Variants in FCHSD2 observed in about 807,000 individuals in gnomAD.
FCHSD2 encodes the protein FCH and double SH3 domains 2.
Under a neutral mutation model 108.1 loss-of-function variants are expected in FCHSD2, and 38 were observed. That is an observed-to-expected ratio of 0.35 (90% CI 0.27 to 0.46). The LOEUF (loss-of-function observed/expected upper bound fraction) is 0.46. Ranked by LOEUF, FCHSD2 falls within the 20% of genes least tolerant of loss-of-function variation. The pLI, the probability that FCHSD2 is intolerant of heterozygous loss-of-function variation, is 1.00. For synonymous variants in FCHSD2, 279 were observed against 314.7 expected (o/e 0.89, Z 1.20); for missense variants, 751 against 897.8 (o/e 0.84, Z 2.09).
At chr11:72,928,108 C>A (rs1193486465) in intron 8 of FCHSD2, among the ~76,000 whole-genome samples, 1 of 151,748 alleles carries the variant, frequency 6.6e-6, no homozygotes, top group East Asian at 1.9e-4. Flanking sequence ...AATGCATTGG[C>A]CACATATTGA....
At chr11:73,002,073 CT>C (rs1857636318) in intron 4 of FCHSD2, among the ~76,000 whole-genome samples, 1 of 152,060 alleles carries the variant, frequency 6.6e-6, no homozygotes, top group African/African-American at 2.4e-5. Flanking sequence ...TGAGATTTCC[CT>C]TTTGTGGGAA....
chr11:73,024,195 G>A (rs1047285735), intron 3 of FCHSD2, among the ~76,000 whole-genome samples: 34 of 152,192 alleles, frequency 2.2e-4, no homozygotes, highest in African/African-American at 7.7e-4. Flanking sequence ...TGGGGGAACC[G>A]AAGATAGAAT....
rs538721895 is a variant in FCHSD2, at chr11:73,091,119, T to C, written c.120-7379A>G. 2.0e-5 allele frequency among the ~76,000 whole-genome samples: 3 copies of C among 152,384 alleles called. No homozygotes were observed. In the East Asian group the frequency reaches 5.8e-4, roughly 29 times the overall value. ...TTCATTTGTTTTTATGGCTGAATAA[T>C]GTTCCATTCTATGAGTATACCACAA... On this transcript the variant is annotated intron_variant, in intron 2 of 19. Coordinates refer to ENST00000409418, the MANE Select transcript of FCHSD2 (RefSeq NM_014824.3).
At chr11:73,026,655 A>G (rs1245353145) in intron 3 of FCHSD2, among the ~76,000 whole-genome samples, 1 of 152,176 alleles carries the variant, frequency 6.6e-6, no homozygotes, top group East Asian at 1.9e-4. Context: ...ATGAGAGTTA[A>G]CTGTCTAAGG....
chr11:72,872,488 T>C (rs1270776982), intron 12 of FCHSD2, among the ~76,000 whole-genome samples: 1 of 152,170 alleles, frequency 6.6e-6, no homozygotes, highest in Non-Finnish European at 1.5e-5. Flanking sequence ...ACTATTCTAC[T>C]TTCTGTCTAT....
intron 10 of FCHSD2, chr11:72,900,172 T>G: frequency 1.1e-6 from 1 of 928,340 alleles, no homozygotes; most frequent in Non-Finnish European, 1.7e-6. Flanking sequence ...TACATAACTT[T>G]CATCCCAACA....
At chr11:73,035,017 A>T (rs967573249) in intron 3 of FCHSD2, among the ~76,000 whole-genome samples, 1 of 152,216 alleles carries the variant, frequency 6.6e-6, no homozygotes, top group African/African-American at 2.4e-5. Flanking sequence ...TAGTTTAACA[A>T]ACTTCACAGG....
intron 9 of FCHSD2, among the ~76,000 whole-genome samples, chr11:72,919,998 G>C (rs556809238): frequency 6.6e-6 from 1 of 151,982 alleles, no homozygotes; most frequent in South Asian, 2.1e-4. Flanking sequence ...CAAGCAGAAA[G>C]ACACTTTTTT....
At chr11:73,043,879 G>T (rs986396780) in intron 3 of FCHSD2, among the ~76,000 whole-genome samples, 2 of 152,142 alleles carry the variant, frequency 1.3e-5, no homozygotes, top group African/African-American at 4.8e-5. Context: ...GATCAAAGGA[G>T]CCTGGACTAA....
chr11:73,045,062 T>C (rs1591509409), intron 3 of FCHSD2, among the ~76,000 whole-genome samples: 1 of 139,804 alleles, frequency 7.2e-6, no homozygotes, highest in Non-Finnish European at 1.5e-5. Flanking sequence ...AGAGCAAGAC[T>C]CCATCTCAAA....
intron 4 of FCHSD2, among the ~76,000 whole-genome samples, chr11:73,001,429 C>T (rs1857623223): frequency 6.6e-6 from 1 of 152,110 alleles, no homozygotes; most frequent in South Asian, 2.1e-4. Flanking sequence ...TTCAGACTCT[C>T]CAAGTCTTTT....
At chr11:73,006,695 C>T (rs1205314868) in intron 4 of FCHSD2, among the ~76,000 whole-genome samples, 1 of 152,242 alleles carries the variant, frequency 6.6e-6, no homozygotes, top group East Asian at 1.9e-4. Flanking sequence ...CCCTACTATG[C>T]TTACTGCTCT....
intron 4 of FCHSD2, among the ~76,000 whole-genome samples, chr11:73,006,498 C>T (rs1857743973): frequency 1.3e-5 from 2 of 152,122 alleles, no homozygotes; most frequent in South Asian, 4.1e-4. Context: ...TTAAAAAATA[C>T]CATGGAATTT....
At chr11:73,061,028 C>T (rs1376418167) in intron 3 of FCHSD2, among the ~76,000 whole-genome samples, 1 of 152,196 alleles carries the variant, frequency 6.6e-6, no homozygotes, top group Non-Finnish European at 1.5e-5. Context: ...GGCAAGATGG[C>T]CAAATAGGAA....
intron 2 of FCHSD2, among the ~76,000 whole-genome samples, chr11:73,089,689 C>T (rs890169297): frequency 2.6e-5 from 4 of 152,018 alleles, no homozygotes; most frequent in African/African-American, 9.7e-5. Context: ...ATGCAAAAGG[C>T]CATATATTTT....
chr11:72,946,018 C>T (rs1052158463), intron 8 of FCHSD2, among the ~76,000 whole-genome samples: 3 of 152,114 alleles, frequency 2.0e-5, no homozygotes, highest in Admixed American at 6.5e-5. Context: ...ACTAGAAATA[C>T]CATTTGACCC....
At chr11:73,086,259 A>G (rs1859813952) in intron 2 of FCHSD2, among the ~76,000 whole-genome samples, 1 of 152,160 alleles carries the variant, frequency 6.6e-6, no homozygotes. Context: ...AAATACAAAA[A>G]TTAGCTGGGC....
At position 73,031,059 on chromosome 11, in the gene FCHSD2, C is replaced by T. The variant is rs146214858; in HGVS notation, c.166-15174G>A. Reference sequence around the variant, plus strand: ...AAAAGGGAGATCCTGCTATTTGTCACAACATGTATGAATCTGGATGGGTTC... The same window carrying T: ...AAAAGGGAGATCCTGCTATTTGTCATAACATGTATGAATCTGGATGGGTTC... On this transcript the variant is annotated intron_variant, in intron 3 of 19. Coordinates refer to ENST00000409418, the MANE Select transcript of FCHSD2 (RefSeq NM_014824.3). 3.6e-3 allele frequency among the ~76,000 whole-genome samples: 551 copies of T among 152,062 alleles called. 1 individual carries two copies. Among genetic ancestry groups the T allele is most frequent in the African/African-American group, 0.013 (524 of 41,454 alleles).
intron 12 of FCHSD2, among the ~76,000 whole-genome samples, chr11:72,875,734 C>T (rs1319780759): frequency 1.3e-5 from 2 of 152,188 alleles, no homozygotes; most frequent in East Asian, 3.8e-4. Flanking sequence ...ATCATGCTTC[C>T]TGGTATCCAT....
Sources: gnomAD v4.1 joint callset for allele counts (sites outside exome capture counted in the v4.1 genomes callset) on GRCh38, gnomAD v4.1.1 for gene constraint, MANE v1.5 for transcripts, NCBI Gene and HGNC (gene_info 2026-07-23, HGNC 2026-07-21) for gene names.